Variants in CABCOCO1 observed in about 807,000 individuals in gnomAD.
CABCOCO1 encodes ciliary associated calcium binding coiled-coil 1, also known as ciliary-associated calcium-binding coiled-coil protein 1.
CABCOCO1 carries 28 observed loss-of-function variants against 35.7 expected under a neutral mutation model. That is an observed-to-expected ratio of 0.78 (90% CI 0.58 to 1.07). The LOEUF (loss-of-function observed/expected upper bound fraction) is 1.07. Ranked by LOEUF, CABCOCO1 falls within the 50% of genes least tolerant of loss-of-function variation. The probability of loss-of-function intolerance (pLI) is 0.00; values close to 1 mark genes in which losing one functional copy is unlikely to be tolerated. For missense variants in CABCOCO1, 326 were observed against 309.2 expected, an observed-to-expected ratio of 1.05 and a Z score of -0.41; for synonymous variants, 95 against 100.1, an observed-to-expected ratio of 0.95 and a Z score of 0.30.
At chr10:61,743,122 G>A (rs1298520523) in intron 5 of CABCOCO1, among the ~76,000 whole-genome samples, 2 of 152,286 alleles carry the variant, frequency 1.3e-5, no homozygotes, top group Admixed American at 1.3e-4. Context: ...TTTTCATTGA[G>A]TCTTGAGTTA....
intron 4 of CABCOCO1, among the ~76,000 whole-genome samples, chr10:61,688,881 T>C (rs1301022082): frequency 1.3e-5 from 2 of 152,188 alleles, no homozygotes; most frequent in East Asian, 3.9e-4. Flanking sequence ...TTTGTTCCCA[T>C]GTAGCACCAC....
At chr10:61,680,317 A>T (rs140431870) in intron 2 of CABCOCO1, among the ~76,000 whole-genome samples, 3,207 of 140,450 alleles carry the variant, frequency 0.023, 104 homozygotes, top group African/African-American at 0.067. Flanking sequence ...TCTCAAAAAA[A>T]ATATATATAT....
chr10:61,675,083 T>G (rs1839470393), intron 2 of CABCOCO1, among the ~76,000 whole-genome samples: 1 of 152,176 alleles, frequency 6.6e-6, no homozygotes, highest in South Asian at 2.1e-4. Context: ...TGTAATATTT[T>G]TACCCAAATT....
At chr10:61,725,810 G>A (rs1841134613) in intron 5 of CABCOCO1, among the ~76,000 whole-genome samples, 2 of 151,726 alleles carry the variant, frequency 1.3e-5, no homozygotes, top group Non-Finnish European at 2.9e-5. Context: ...GTATTGACAT[G>A]GGTAGATATC....
At chr10:61,681,424 G>T (rs902205885) in intron 3 of CABCOCO1, 112 bp downstream of exon 3, 1 of 780,844 alleles carries the variant, frequency 1.3e-6, no homozygotes. Flanking sequence ...AAAAATACGG[G>T]TTTTTCCTGA....
rs1189942437 is a variant in CABCOCO1, at chr10:61,680,602, G to A, written c.165-541G>A. Among the ~76,000 whole-genome samples, 46 of 7,482 alleles carry A rather than the reference G, an allele frequency of 6.1e-3. 2 individuals are homozygous for A. The highest frequency in any genetic ancestry group is 9.8e-3 in the Non-Finnish European group (34 of 3,456). 4.9% of individuals were successfully genotyped at this position (7,482 alleles called of 152,430 possible). On this transcript the variant is annotated intron_variant, in intron 2 of 7. Transcript: ENST00000648843. ...GTTATATATAACATATGTTATACAT[G>A]TATAACATGTTATACATAACATATA...
At chr10:61,734,392 G>A (rs1238306858) in intron 5 of CABCOCO1, among the ~76,000 whole-genome samples, 5 of 151,716 alleles carry the variant, frequency 3.3e-5, no homozygotes, top group East Asian at 1.9e-4. Context: ...TCTAATTTGC[G>A]ACTGCCAGGG....
At chr10:61,688,458 C>T (rs1724771903) in intron 4 of CABCOCO1, among the ~76,000 whole-genome samples, 1 of 152,116 alleles carries the variant, frequency 6.6e-6, no homozygotes, top group South Asian at 2.1e-4. Context: ...CAAATTTCCT[C>T]CCCCACATGA....
intron 3 of CABCOCO1, among the ~76,000 whole-genome samples, chr10:61,685,573 A>G (rs909128416): frequency 1.3e-5 from 2 of 152,140 alleles, no homozygotes; most frequent in African/African-American, 2.4e-5. Context: ...GGTCAGCGCT[A>G]TTCCTGAGAC....
chr10:61,751,569 G>A (rs1841787519), intron 5 of CABCOCO1, among the ~76,000 whole-genome samples: 1 of 152,026 alleles, frequency 6.6e-6, no homozygotes, highest in Non-Finnish European at 1.5e-5. Context: ...AAAAATAAAT[G>A]GACAAGCTTC....
At chr10:61,752,171 T>C (rs762581904) in intron 5 of CABCOCO1, among the ~76,000 whole-genome samples, 10 of 152,116 alleles carry the variant, frequency 6.6e-5, no homozygotes, top group East Asian at 5.8e-4. Flanking sequence ...ACATCTGCCA[T>C]ATATGGAATA....
chr10:61,748,423 A>G (rs1295633362), intron 5 of CABCOCO1, among the ~76,000 whole-genome samples: 1 of 152,240 alleles, frequency 6.6e-6, no homozygotes, highest in Non-Finnish European at 1.5e-5. Flanking sequence ...GGAAATTTAA[A>G]AAACAAAAAG....
chr10:61,739,202 TGCCTCG>T (rs1841491276), intron 5 of CABCOCO1, among the ~76,000 whole-genome samples: 1 of 152,216 alleles, frequency 6.6e-6, no homozygotes, highest in Admixed American at 6.5e-5. Flanking sequence ...CAAAAGTGGA[TGCCTCG>T]GCCATGAGGG....
intron 5 of CABCOCO1, among the ~76,000 whole-genome samples, chr10:61,750,472 A>G (rs1342083250): frequency 6.6e-6 from 1 of 152,140 alleles, no homozygotes; most frequent in Non-Finnish European, 1.5e-5. Context: ...GCTACTTGGG[A>G]GGCTGAGGCA....
intron 5 of CABCOCO1, among the ~76,000 whole-genome samples, chr10:61,703,711 T>C (rs11815890): frequency 0.016 from 2,359 of 149,892 alleles, 38 homozygotes; most frequent in East Asian, 0.046. Context: ...CTACTTACTC[T>C]TTCTCTCTCT....
At chr10:61,682,068 T>G (rs1336774921) in intron 3 of CABCOCO1, among the ~76,000 whole-genome samples, 1 of 152,202 alleles carries the variant, frequency 6.6e-6, no homozygotes, top group Admixed American at 6.5e-5. Flanking sequence ...GAGCTGAGTA[T>G]TCACACACTA....
rs545675351 is a variant in CABCOCO1, at chr10:61,718,254, G to A, written c.552+27633G>A. 1.1e-3 allele frequency among the ~76,000 whole-genome samples: 173 copies of A among 152,202 alleles called. 1 individual carries two copies. The highest frequency in any genetic ancestry group is 3.9e-3 in the African/African-American group (163 of 41,504). Reference sequence around the variant, plus strand: ...ACATGAAGCAAAGGTCAGATTTTGGGTGTGTATTTGTGTCCATGAACATTA... The same window carrying A: ...ACATGAAGCAAAGGTCAGATTTTGGATGTGTATTTGTGTCCATGAACATTA... On this transcript the variant is annotated intron_variant, in intron 5 of 7. Coordinates refer to ENST00000648843, the MANE Select transcript of CABCOCO1 (RefSeq NM_001366906.2).
At chr10:61,748,459 A>C (rs1018519303) in intron 5 of CABCOCO1, among the ~76,000 whole-genome samples, 1 of 152,304 alleles carries the variant, frequency 6.6e-6, no homozygotes. Flanking sequence ...CTTTTTCTAC[A>C]TGCCAGGCAC....
chr10:61,760,655 C>T (rs952173199), intron 6 of CABCOCO1, among the ~76,000 whole-genome samples: 3 of 151,910 alleles, frequency 2.0e-5, no homozygotes, highest in Non-Finnish European at 4.4e-5. Context: ...CTAATGCATG[C>T]GGGCCTTAAA....
Sources: gnomAD v4.1 joint callset for allele counts (sites outside exome capture counted in the v4.1 genomes callset) on GRCh38, gnomAD v4.1.1 for gene constraint, MANE v1.5 for transcripts, NCBI Gene and HGNC (gene_info 2026-07-23, HGNC 2026-07-21) for gene names.